Variants in LPCAT1 observed in about 807,000 individuals in gnomAD.
LPCAT1 encodes the protein 1-acylglycerol-3-phosphate O-acyltransferase.
In LPCAT1, 23 loss-of-function variants were observed where a neutral mutation model predicts 60.9. That is an observed-to-expected ratio of 0.38 (90% CI 0.27 to 0.53). LPCAT1 has a LOEUF of 0.53. LPCAT1 is among the 20% of genes least tolerant of loss of function. The pLI is 0.82. For missense variants in LPCAT1, 622 were observed against 723.6 expected (o/e 0.86, Z 1.61); for synonymous variants, 340 against 301.1 (o/e 1.13, Z -1.34).
At chr5:1,520,095 T>C (rs995670784) in intron 1 of LPCAT1, among the ~76,000 whole-genome samples, 2 of 152,170 alleles carry the variant, frequency 1.3e-5, no homozygotes, top group East Asian at 1.9e-4. Flanking sequence ...GGAACCCCCA[T>C]CCCCGTGCAT....
At position 1,487,534 on chromosome 5, in the gene LPCAT1, G is replaced by A. The variant is rs914451378; in HGVS notation, c.667+857C>T. ...AGGCTCGGAAACCCCGGCGGCACAC[G>A]TAGGTGAGTGACTGCACACTTTCTC... On this transcript the variant is annotated intron_variant, in intron 5 of 13. Transcript: ENST00000283415. The surrounding 1 kb of genome is among the most constrained non-coding windows in gnomAD (Gnocchi z 6.1). Among the ~76,000 whole-genome samples the A allele has an allele frequency of 6.6e-6, 1 of 152,162 alleles. No individual in the cohort carries two copies. The highest frequency in any genetic ancestry group is 2.4e-5 in the African/African-American group (1 of 41,450).
intron 12 of LPCAT1, among the ~76,000 whole-genome samples, chr5:1,467,904 G>GGGGCTCCGACGGGGCCGTCGCCC (rs1734495602): frequency 1.3e-5 from 2 of 152,130 alleles, no homozygotes; most frequent in African/African-American, 4.8e-5. Context: ...CACGGTTCCT[G>GGGGCTCCGACGGGGCCGTCGCCC]GGGCTCCGAC....
At chr5:1,464,332 T>C (rs1228341222) in intron 13 of LPCAT1, among the ~76,000 whole-genome samples, 4 of 152,148 alleles carry the variant, frequency 2.6e-5, no homozygotes, top group Non-Finnish European at 5.9e-5. Context: ...CGGCTCCTAC[T>C]GATGGCGCCA....
At position 1,523,207 on chromosome 5, in the gene LPCAT1, G is replaced by A. The variant is rs868790813; in HGVS notation, c.135+503C>T. 9.5e-4 allele frequency among the ~76,000 whole-genome samples: 144 copies of A among 152,078 alleles called. No homozygotes were observed. The highest frequency in any genetic ancestry group is 3.4e-3 in the African/African-American group (143 of 41,522). On this transcript the variant is annotated intron_variant, in intron 1 of 13. Coordinates refer to ENST00000283415, the MANE Select transcript of LPCAT1 (RefSeq NM_024830.5). The surrounding 1 kb of genome is among the most constrained non-coding windows in gnomAD (Gnocchi z 7.1). ...GCCCCGCACACGAGGCTCACCCAGA[G>A]CCGCGGTGCCCTCCCGCCCGCGGGC...
intron 1 of LPCAT1, among the ~76,000 whole-genome samples, chr5:1,512,961 G>A (rs577935332): frequency 5.3e-4 from 80 of 152,344 alleles, no homozygotes; most frequent in African/African-American, 1.8e-3. Context: ...AAGATGGCAC[G>A]CGCCGGCATC....
rs185739396 is a variant in LPCAT1, at chr5:1,467,018, G to A, written c.1279-128C>T. 177 of 995,034 alleles carry A rather than the reference G, an allele frequency of 1.8e-4. No homozygotes were observed. The African/African-American group carries it at 2.7e-3, about 15-fold the overall frequency. 61.6% of individuals were successfully genotyped at this position (995,034 alleles called of 1,614,324 possible). ...CTGGGCACCTGCAGGGCCGGCGGCT[G>A]GACACGGGGGACTCGAACTTCCATG... On this transcript the variant is annotated intron_variant, in intron 12 of 13. Coordinates refer to ENST00000283415, the MANE Select transcript of LPCAT1 (RefSeq NM_024830.5).
chr5:1,477,345 G>T lies in LPCAT1; in HGVS notation c.899+59C>A. 7.2e-7 allele frequency: 1 copy of T among 1,379,926 alleles called. No homozygotes were observed. Among genetic ancestry groups the T allele is most frequent in the Non-Finnish European group, 1.0e-6 (1 of 973,628 alleles). The allele number at this position is 1,379,926 out of a possible 1,614,324, so 85.5% of individuals were successfully genotyped here. ...CTGTTGCCTATTTTAAATATACAGA[G>T]AGCAGCACTCTGGGAGACACCCCTG... On this transcript the variant is annotated intron_variant, in intron 9 of 13. Coordinates refer to ENST00000283415, the MANE Select transcript of LPCAT1 (RefSeq NM_024830.5). This position sits in a 1 kb window ranked among gnomAD's most constrained non-coding sequence, Gnocchi z 6.0.
Position 1,521,705 on chromosome 5 carries a change from A to C in LPCAT1, c.135+2005T>G, listed in dbSNP as rs1229138515. ...AGCCCCCTCTCTGAGAGGCCCCAAC[A>C]CCTCAAGCCAGGATCTCTGCCTGGC... is the stretch of plus-strand genomic sequence containing the variant. On this transcript the variant is annotated intron_variant, in intron 1 of 13. Transcript: ENST00000283415. This position sits in a 1 kb window ranked among gnomAD's most constrained non-coding sequence, Gnocchi z 4.3. Among the ~76,000 whole-genome samples, 1 of 152,044 alleles carries C rather than the reference A, an allele frequency of 6.6e-6. No individual in the cohort carries two copies. Among genetic ancestry groups the C allele is most frequent in the African/African-American group, 2.4e-5 (1 of 41,372 alleles).
At chr5:1,491,541 C>T (rs921489397) in intron 3 of LPCAT1, among the ~76,000 whole-genome samples, 3 of 152,174 alleles carry the variant, frequency 2.0e-5, no homozygotes, top group Admixed American at 1.3e-4. Context: ...TTGGGCCGTG[C>T]GTCTTCATGT....
At chr5:1,517,271 G>T (rs990185211) in intron 1 of LPCAT1, among the ~76,000 whole-genome samples, 1 of 152,132 alleles carries the variant, frequency 6.6e-6, no homozygotes, top group African/African-American at 2.4e-5. Flanking sequence ...TGGGCCGCGT[G>T]GGGATGAGGG....
At position 1,496,432 on chromosome 5, in the gene LPCAT1, A is replaced by G. The variant is rs1349346747; in HGVS notation, c.279-1518T>C. 2.0e-5 allele frequency among the ~76,000 whole-genome samples: 3 copies of G among 151,408 alleles called. No individual in the cohort carries two copies. Among genetic ancestry groups the G allele is most frequent in the Admixed American group, 1.3e-4 (2 of 15,232 alleles). ...TTATTTTCCACAAAAAAAAAAAAAAAGTACAAAAACAAAAGCCAAAAGACA... is the reference window on the plus strand; with the variant it reads ...TTATTTTCCACAAAAAAAAAAAAAAGGTACAAAAACAAAAGCCAAAAGACA... On this transcript the variant is annotated intron_variant, in intron 2 of 13. Transcript: ENST00000283415. This position sits in a 1 kb window ranked among gnomAD's most constrained non-coding sequence, Gnocchi z 4.7.
chr5:1,514,087 G>A (rs1041062617), intron 1 of LPCAT1, among the ~76,000 whole-genome samples: 6 of 152,362 alleles, frequency 3.9e-5, no homozygotes, highest in Middle Eastern at 3.4e-3. Flanking sequence ...CAATGAGAAC[G>A]GGGCCAGATG....
chr5:1,474,827 A>G, intron 9 of LPCAT1, 142 bp from the exon 10 acceptor site: 2 of 1,088,674 alleles, frequency 1.8e-6, no homozygotes, highest in Non-Finnish European at 2.6e-6. Context: ...TTGGTGGGGC[A>G]GTCACACATT....
Position 1,523,496 on chromosome 5 carries a change from G to GGGCGGCGGGAAGCC in LPCAT1, c.135+200_135+213dup, listed in dbSNP as rs1228007452. On this transcript the variant is annotated intron_variant, in intron 1 of 13. Coordinates refer to ENST00000283415, the MANE Select transcript of LPCAT1 (RefSeq NM_024830.5). The surrounding 1 kb of genome is among the most constrained non-coding windows in gnomAD (Gnocchi z 7.1). ...CGCTGAGGGACCAGGATGCGCGTGC[G>GGGCGGCGGGAAGCC]GGCGGCGGGAAGCCGGCGCCGAGAC... Among the ~76,000 whole-genome samples the GGGCGGCGGGAAGCC allele has an allele frequency of 6.6e-6, 1 of 151,490 alleles. No homozygotes were observed. Among genetic ancestry groups the GGGCGGCGGGAAGCC allele is most frequent in the Admixed American group, 6.6e-5 (1 of 15,212 alleles).
chr5:1,482,716 CTGGGGTGGGG>C (rs527826129), intron 6 of LPCAT1, among the ~76,000 whole-genome samples: 1 of 25,786 alleles, frequency 3.9e-5, no homozygotes, highest in East Asian at 2.7e-3. Context: ...CCAGGGCAGG[CTGGGGTGGGG>C]TGGGGTGGGG....
intron 5 of LPCAT1, 84 bp downstream of exon 5, chr5:1,488,307 G>T: frequency 1.2e-6 from 1 of 849,352 alleles, no homozygotes; most frequent in Non-Finnish European, 1.9e-6. Context: ...CTGTTCTTAT[G>T]TGCACAGCAC....
At chr5:1,510,046 T>C (rs1221714458) in intron 1 of LPCAT1, among the ~76,000 whole-genome samples, 1 of 152,198 alleles carries the variant, frequency 6.6e-6, no homozygotes, top group African/African-American at 2.4e-5. Flanking sequence ...CTCATTTATA[T>C]AAATGTATAT....
chr5:1,467,011 G>C (rs1273481040), intron 12 of LPCAT1, 121 bp from the exon 13 acceptor site: 3 of 1,128,530 alleles, frequency 2.7e-6, no homozygotes. Context: ...CTGCAGGGCC[G>C]GCGGCTGGAC....
At chr5:1,468,838 CTG>C (rs1437920132) in intron 12 of LPCAT1, among the ~76,000 whole-genome samples, 2 of 152,248 alleles carry the variant, frequency 1.3e-5, no homozygotes, top group African/African-American at 4.8e-5. Context: ...TCCTGGATCT[CTG>C]TGTCCCAAGA....
Sources: allele counts gnomAD v4.1 joint callset (sites outside exome capture counted in the v4.1 genomes callset), GRCh38; gene constraint gnomAD v4.1.1; non-coding constraint Gnocchi (gnomAD v3.1); transcripts MANE v1.5; gene names NCBI Gene and HGNC (gene_info 2026-07-23, HGNC 2026-07-21).